LMBR1: variants seen among roughly 807,000 people sequenced by gnomAD.
LMBR1 encodes limb development membrane protein 1.
A neutral mutation model predicts 73.9 loss-of-function variants in LMBR1; 52 were observed. The ratio of observed to expected loss-of-function variants is 0.70; its 90% confidence interval spans 0.56 to 0.89. LMBR1 has a LOEUF of 0.89. Among genes scored for constraint, LMBR1 ranks in the 40% least tolerant of loss-of-function variants. The pLI, the probability that LMBR1 is intolerant of heterozygous loss-of-function variation, is 0.00. For missense variants in LMBR1, 539 were observed against 579.8 expected (o/e 0.93, Z 0.72); for synonymous variants, 215 against 209.4 (o/e 1.03, Z -0.23).
At chr7:156,859,057 C>T (rs1044280770) in intron 1 of LMBR1, among the ~76,000 whole-genome samples, 8 of 151,976 alleles carry the variant, frequency 5.3e-5, no homozygotes, top group African/African-American at 1.9e-4. Context: ...AGTTTGAGAC[C>T]AGCCTGATCA....
chr7:156,706,951 G>A (rs76478611), intron 15 of LMBR1, among the ~76,000 whole-genome samples: 15 of 149,452 alleles, frequency 1.0e-4, no homozygotes, highest in Non-Finnish European at 1.8e-4. Context: ...ATGAAAAGTT[G>A]GTTCTTCGAG....
chr7:156,836,219 T>A (rs1402960147), intron 2 of LMBR1, among the ~76,000 whole-genome samples: 3 of 152,246 alleles, frequency 2.0e-5, no homozygotes, highest in Non-Finnish European at 4.4e-5. Context: ...TCCTGTGATT[T>A]TCAGAAAACA....
At chr7:156,857,670 A>T (rs575566238) in intron 1 of LMBR1, among the ~76,000 whole-genome samples, 3 of 152,354 alleles carry the variant, frequency 2.0e-5, no homozygotes, top group African/African-American at 7.2e-5. Context: ...TCTCAAGCTC[A>T]CGTGAAAACA....
chr7:156,797,873 A>G (rs1830312814), intron 4 of LMBR1, among the ~76,000 whole-genome samples: 3 of 152,226 alleles, frequency 2.0e-5, no homozygotes, highest in Admixed American at 2.0e-4. Flanking sequence ...TTTATAAAAC[A>G]ATATCTTAAC....
intron 4 of LMBR1, among the ~76,000 whole-genome samples, chr7:156,805,339 C>G (rs756556518): frequency 1.3e-5 from 2 of 151,906 alleles, no homozygotes; most frequent in African/African-American, 4.8e-5. Context: ...GCCTCAGACT[C>G]CCAAGTAGCT....
At chr7:156,743,491 G>A (rs974752804) in intron 9 of LMBR1, among the ~76,000 whole-genome samples, 8 of 152,136 alleles carry the variant, frequency 5.3e-5, no homozygotes, top group Admixed American at 5.2e-4. Context: ...ATAATGAGAA[G>A]TTTAGACACA....
chr7:156,721,818 AGTG>A (rs1449226095), intron 15 of LMBR1, among the ~76,000 whole-genome samples: 1 of 152,132 alleles, frequency 6.6e-6, no homozygotes, highest in Non-Finnish European at 1.5e-5. Flanking sequence ...AAATTTACTT[AGTG>A]GTGATTTTTC....
At chr7:156,815,023 G>A (rs1833677739) in intron 4 of LMBR1, among the ~76,000 whole-genome samples, 1 of 151,936 alleles carries the variant, frequency 6.6e-6, no homozygotes. Context: ...AGGCATGGTG[G>A]CACACGCCTA....
At chr7:156,713,517 T>C (rs755408338) in intron 15 of LMBR1, among the ~76,000 whole-genome samples, 1 of 152,058 alleles carries the variant, frequency 6.6e-6, no homozygotes, top group African/African-American at 2.4e-5. Context: ...ATCTCTGCAC[T>C]TTTCCCTCAA....
chr7:156,771,371 A>T (rs767055722), intron 5 of LMBR1, among the ~76,000 whole-genome samples: 3 of 152,196 alleles, frequency 2.0e-5, no homozygotes, highest in Non-Finnish European at 4.4e-5. Flanking sequence ...AAATAATCAC[A>T]ATCAGAAGTG....
At chr7:156,824,082 T>C (rs933981400) in intron 4 of LMBR1, among the ~76,000 whole-genome samples, 1 of 143,942 alleles carries the variant, frequency 6.9e-6, no homozygotes, top group African/African-American at 2.6e-5. Context: ...AGAGAGAGAC[T>C]CCATCTCAAA....
At chr7:156,708,087 C>T (rs1454156378) in intron 15 of LMBR1, among the ~76,000 whole-genome samples, 2 of 151,436 alleles carry the variant, frequency 1.3e-5, no homozygotes, top group Non-Finnish European at 2.9e-5. Context: ...GAAGGCAATC[C>T]CATTTACAAT....
At chr7:156,835,022 C>T (rs534182429) in intron 2 of LMBR1, among the ~76,000 whole-genome samples, 1 of 151,984 alleles carries the variant, frequency 6.6e-6, no homozygotes, top group African/African-American at 2.4e-5. Context: ...CGTCTGTAAT[C>T]CCAGCTACTC....
intron 15 of LMBR1, among the ~76,000 whole-genome samples, chr7:156,699,853 C>T (rs371922969): frequency 0.031 from 4,721 of 152,172 alleles, 105 homozygotes; most frequent in Non-Finnish European, 0.051. Context: ...CACAATGAGA[C>T]ACCATCTCAC....
intron 5 of LMBR1, among the ~76,000 whole-genome samples, chr7:156,772,193 G>A (rs1157758512): frequency 6.6e-6 from 1 of 152,174 alleles, no homozygotes; most frequent in African/African-American, 2.4e-5. Context: ...AGAATCACTT[G>A]AACCTGGGAG....
At chr7:156,840,451 A>G (rs1265327439) in intron 1 of LMBR1, among the ~76,000 whole-genome samples, 1 of 151,946 alleles carries the variant, frequency 6.6e-6, no homozygotes, top group African/African-American at 2.4e-5. Context: ...CAAGGGTCGG[A>G]GGCAATAATG....
intron 9 of LMBR1, among the ~76,000 whole-genome samples, chr7:156,737,718 T>TTTTTTTTTTTTTTTTTTTG (rs1432011804): frequency 6.6e-6 from 1 of 152,142 alleles, no homozygotes; most frequent in Non-Finnish European, 1.5e-5. Flanking sequence ...ATCCCATTTT[T>TTTTTTTTTTTTTTTTTTTG]ATGGAACCTG....
At chr7:156,738,864 C>T (rs1818383060) in intron 9 of LMBR1, among the ~76,000 whole-genome samples, 1 of 152,132 alleles carries the variant, frequency 6.6e-6, no homozygotes, top group Non-Finnish European at 1.5e-5. Context: ...GACTCTGAGA[C>T]ATGCTGGCTT....
intron 15 of LMBR1, among the ~76,000 whole-genome samples, chr7:156,717,970 T>C (rs905128733): frequency 1.2e-4 from 18 of 152,376 alleles, no homozygotes; most frequent in Admixed American, 4.6e-4. Context: ...GCCGGATCTC[T>C]AATTTTTAGT....
Sources: gnomAD v4.1 joint callset for allele counts (sites outside exome capture counted in the v4.1 genomes callset) on GRCh38, gnomAD v4.1.1 for gene constraint, MANE v1.5 for transcripts, NCBI Gene and HGNC (gene_info 2026-07-23, HGNC 2026-07-21) for gene names.